NCOR2: variants seen among roughly 807,000 people sequenced by gnomAD.
NCOR2 encodes the protein nuclear receptor corepressor 2, also known as CTG repeat protein 26.
A neutral mutation model predicts 262.9 loss-of-function variants in NCOR2; 81 were observed. That is an observed-to-expected ratio of 0.31 (90% CI 0.26 to 0.37). The LOEUF (loss-of-function observed/expected upper bound fraction) is 0.37. NCOR2 is among the 10% of genes least tolerant of loss of function. The probability of loss-of-function intolerance (pLI) is 1.00; values close to 1 mark genes in which losing one functional copy is unlikely to be tolerated. For missense variants in NCOR2, 3,385 were observed against 3,621.4 expected (o/e 0.93, Z 1.68); for synonymous variants, 1,659 against 1,559.3 (o/e 1.06, Z -1.51).
At chr12:124,546,989 A>G (rs1435112362) in intron 1 of NCOR2, among the ~76,000 whole-genome samples, 2 of 151,766 alleles carry the variant, frequency 1.3e-5, no homozygotes, top group Non-Finnish European at 2.9e-5. Context: ...ATAATATTTT[A>G]TTTATTTTTA....
chr12:124,357,341 T>G (rs2135930323), intron 22 of NCOR2, among the ~76,000 whole-genome samples: 1 of 152,282 alleles, frequency 6.6e-6, no homozygotes, highest in African/African-American at 2.4e-5. Context: ...TTTGTAGAGA[T>G]GGGGTCTTGC....
Position 124,466,155 on chromosome 12 carries a change from C to A in NCOR2, c.705+18G>T. 1 of 1,596,244 alleles carries A rather than the reference C, an allele frequency of 6.3e-7. No individual in the cohort carries two copies. The highest frequency in any genetic ancestry group is 1.7e-5 in the Admixed American group (1 of 58,380). ...TGGCCAGCACCGGGGGGCAGCAGGC[C>A]AGGGCGGGGACACATACCCGGTTCT... On this transcript the variant is annotated intron_variant, in intron 5 of 46. Transcript: ENST00000405201.
chr12:124,473,046 C>T (rs762874996), exon 4 of NCOR2: 10 of 1,613,942 alleles, frequency 6.2e-6, no homozygotes, highest in Non-Finnish European at 7.6e-6. Flanking sequence ...CTTGGACAGC[C>T]GTGGCGGCAC....
Position 124,457,390 on chromosome 12 carries a change from C to T in NCOR2, c.706-228G>A, listed in dbSNP as rs964519009. ...CGGCCCCAGCAAGCCAGCCAAGTTTCGATTTTAGCAAATGCGCCGGGTCCA... is the reference window on the plus strand; with the variant it reads ...CGGCCCCAGCAAGCCAGCCAAGTTTTGATTTTAGCAAATGCGCCGGGTCCA... On this transcript the variant is annotated intron_variant, in intron 5 of 46. Transcript: ENST00000405201. The surrounding 1 kb of genome is among the most constrained non-coding windows in gnomAD (Gnocchi z 4.0). Among the ~76,000 whole-genome samples the T allele has an allele frequency of 2.0e-5, 3 of 151,860 alleles. No individual in the cohort carries two copies. The highest frequency in any genetic ancestry group is 4.4e-5 in the Non-Finnish European group (3 of 67,976).
intron 3 of NCOR2, among the ~76,000 whole-genome samples, chr12:124,479,243 C>T (rs1214742707): frequency 6.7e-6 from 1 of 150,206 alleles, no homozygotes; most frequent in East Asian, 2.0e-4. Flanking sequence ...CGTGCACATG[C>T]ACACACACGC....
At chr12:124,333,520 G>A (rs1428054311) in intron 41 of NCOR2, among the ~76,000 whole-genome samples, 4 of 151,944 alleles carry the variant, frequency 2.6e-5, no homozygotes, top group African/African-American at 9.7e-5. Context: ...TACAAACAGA[G>A]GGCCCGGGCT....
chr12:124,367,614 T>G (rs2039143059), intron 20 of NCOR2, among the ~76,000 whole-genome samples: 1 of 152,072 alleles, frequency 6.6e-6, no homozygotes, highest in African/African-American at 2.4e-5. Flanking sequence ...CCACTCTCCC[T>G]TCTTTGTTTT....
chr12:124,422,375 G>A lies in NCOR2; in HGVS notation c.1383+126C>T, dbSNP rs556663997. The stretch of plus-strand genomic sequence containing the variant: ...GGGAGGGAGGGAGGAGGGGAGCATG[G>A]CAGCTGGAGCAAGGGGCCAGGCAGG... On this transcript the variant is annotated intron_variant, in intron 12 of 46. Transcript: ENST00000405201. 6.7e-5 allele frequency: 73 copies of A among 1,083,442 alleles called. No homozygotes were observed. The African/African-American group carries it at 1.0e-3, about 15-fold the overall frequency. 67.1% of individuals were successfully genotyped at this position (1,083,442 alleles called of 1,614,324 possible).
rs563422343 is a variant in NCOR2, at chr12:124,483,178, C to T, written c.411+418G>A. On this transcript the variant is annotated intron_variant, in intron 3 of 46. Coordinates refer to ENST00000405201, the Ensembl canonical transcript of NCOR2. The surrounding 1 kb of genome is among the most constrained non-coding windows in gnomAD (Gnocchi z 6.3). ...CAAGCATGGAACCAAACAACCCACC[C>T]TCGAGGAAGCTCTCAGAATGTGCTG... is the stretch of plus-strand genomic sequence containing the variant. Among the ~76,000 whole-genome samples, 58 of 152,240 alleles carry T rather than the reference C, an allele frequency of 3.8e-4. No individual in the cohort carries two copies. Among genetic ancestry groups the T allele is most frequent in the Middle Eastern group, 3.4e-3 (1 of 292 alleles).
At chr12:124,363,090 C>T (rs573143524) in intron 21 of NCOR2, among the ~76,000 whole-genome samples, 2 of 152,288 alleles carry the variant, frequency 1.3e-5, no homozygotes, top group Non-Finnish European at 2.9e-5. Context: ...GAAGCCAGGA[C>T]TGAGCAACAG....
chr12:124,369,646 C>T (rs1195620607), intron 20 of NCOR2, among the ~76,000 whole-genome samples: 2 of 152,116 alleles, frequency 1.3e-5, no homozygotes, highest in East Asian at 1.9e-4. Context: ...AGTCCAGCCT[C>T]GTTCACTGAG....
intron 16 of NCOR2, among the ~76,000 whole-genome samples, chr12:124,392,399 C>CT (rs2041367733): frequency 6.6e-6 from 1 of 152,204 alleles, no homozygotes; most frequent in Non-Finnish European, 1.5e-5. Flanking sequence ...TGCACCCTCC[C>CT]TAGTGGTCTC....
In NCOR2 at chr12:124,503,469, GGATGGATGGATGGATGATGGATT is replaced by G. The variant is rs1209267518; in HGVS notation, c.-117-8124_-117-8102del. 6.7e-6 allele frequency among the ~76,000 whole-genome samples: 1 copy of G among 149,716 alleles called. No individual in the cohort carries two copies. The highest frequency in any genetic ancestry group is 2.5e-5 in the African/African-American group (1 of 39,528). On this transcript the variant is annotated intron_variant, in intron 1 of 46. Coordinates refer to the NCOR2 transcript ENST00000404621. The surrounding 1 kb of genome is among the most constrained non-coding windows in gnomAD (Gnocchi z 4.3). ...AAGGAGGAAGGATGCATGGACTGAT[GGATGGATGGATGGATGATGGATT>G]GATGGATGGATGGATGGATGGACAG...
At chr12:124,400,795 G>A (rs1326739479) in intron 14 of NCOR2, 122 bp from the exon 17 acceptor site, 25 of 1,282,378 alleles carry the variant, frequency 1.9e-5, no homozygotes, top group Non-Finnish European at 2.5e-5. Flanking sequence ...CTAATCGGAC[G>A]CTAGGAAAGA....
chr12:124,463,466 G>A (rs1182567859), intron 5 of NCOR2, among the ~76,000 whole-genome samples: 1 of 152,208 alleles, frequency 6.6e-6, no homozygotes, highest in Non-Finnish European at 1.5e-5. Context: ...GTGCACACCT[G>A]CCCGGCCCCC....
intron 19 of NCOR2, among the ~76,000 whole-genome samples, chr12:124,373,103 G>A (rs1295373826): frequency 1.3e-5 from 2 of 152,254 alleles, no homozygotes; most frequent in East Asian, 3.9e-4. Context: ...GGAGAAGCTG[G>A]CAATTGTGAG....
exon 47 of NCOR2, chr12:124,325,505 A>C: frequency 7.4e-7 from 1 of 1,354,372 alleles, no homozygotes; most frequent in South Asian, 1.9e-5. Context: ...GCCCGCGGGG[A>C]GGCCCGGTGG....
intron 8 of NCOR2, among the ~76,000 whole-genome samples, chr12:124,437,620 G>A (rs1442447457): frequency 6.6e-6 from 1 of 152,158 alleles, no homozygotes; most frequent in East Asian, 1.9e-4. Context: ...CTTTCTGCCT[G>A]AAAAGCCCAG....
intron 31 of NCOR2, among the ~76,000 whole-genome samples, chr12:124,345,546 T>G (rs1264657498): frequency 6.6e-6 from 1 of 152,176 alleles, no homozygotes; most frequent in Non-Finnish European, 1.5e-5. Flanking sequence ...ACACTTGATA[T>G]GGTGGGACTT....
Sources: allele counts gnomAD v4.1 joint callset (sites outside exome capture counted in the v4.1 genomes callset), GRCh38; gene constraint gnomAD v4.1.1; non-coding constraint Gnocchi (gnomAD v3.1); transcripts MANE v1.5; gene names NCBI Gene and HGNC (gene_info 2026-07-23, HGNC 2026-07-21).